The following SEMA5A variants were observed in gnomAD, a reference collection of about 807,000 sequenced individuals.
SEMA5A encodes semaphorin-5A.
Under a neutral mutation model 135.5 loss-of-function variants are expected in SEMA5A, and 55 were observed. The ratio of observed to expected loss-of-function variants is 0.41; its 90% CI spans 0.33 to 0.51. The LOEUF (loss-of-function observed/expected upper bound fraction) is 0.51, where lower values mean the gene tolerates loss of function less well. Ranked by LOEUF, SEMA5A falls within the 20% of genes least tolerant of loss-of-function variation. The probability of loss-of-function intolerance (pLI) is 0.37; values close to 1 mark genes in which losing one functional copy is unlikely to be tolerated. For missense variants in SEMA5A, 1,290 were observed against 1,419.9 expected (o/e 0.91, Z 1.47); for synonymous variants, 580 against 546.5 (o/e 1.06, Z -0.85).
chr5:9,123,258 C>CAAAAAAAAAAAAAAAAA (rs57533658), intron 13 of SEMA5A, among the ~76,000 whole-genome samples: 7 of 38,944 alleles, frequency 1.8e-4, no homozygotes, highest in African/African-American at 1.9e-4. Flanking sequence ...GACTCCGCCT[C>CAAAAAAAAAAAAAAAAA]AAAAAAAAAA....
chr5:9,271,999 G>A (rs775515312), intron 5 of SEMA5A, among the ~76,000 whole-genome samples: 13 of 152,090 alleles, frequency 8.5e-5, no homozygotes, highest in Admixed American at 5.9e-4. Flanking sequence ...GGCACCTGGA[G>A]CACCAGCGAG....
At position 9,062,930 on chromosome 5, in the gene SEMA5A, G is replaced by A. The variant is rs748107036; in HGVS notation, c.2475C>T (p.Gly825=). Residue 825 remains glycine, a synonymous_variant, in exon 18 of 23, where the codon GGC becomes GGT. Transcript: ENST00000382496. ...TGCATTCCTGGTATTCCAGAGATGG[G>A]CCAAGGCAAGGCATTCCCCCATACT... The part of the protein sequence containing the change: ...EPKYGGMPCL[G]PSLEYQECNI... 3 of 1,614,218 alleles carry A rather than the reference G, an allele frequency of 1.9e-6. No homozygotes were observed. The East Asian group carries it at 6.7e-5, about 36-fold the overall frequency.
intron 5 of SEMA5A, among the ~76,000 whole-genome samples, chr5:9,291,290 CA>C (rs1438481582): frequency 2.0e-5 from 3 of 152,168 alleles, no homozygotes; most frequent in African/African-American, 7.2e-5. Context: ...GCATGTCCCC[CA>C]CAGGCTCTCC....
intron 5 of SEMA5A, among the ~76,000 whole-genome samples, chr5:9,301,863 G>T (rs897597858): frequency 3.9e-5 from 6 of 152,048 alleles, no homozygotes; most frequent in Non-Finnish European, 7.4e-5. Context: ...AAATCAATAT[G>T]ACTTTATTCT....
chr5:9,036,549 T>C lies in SEMA5A; in HGVS notation c.*6348A>G, dbSNP rs778680417. 3.3e-5 allele frequency: 5 copies of C among 152,134 alleles called. No homozygotes were observed. Among genetic ancestry groups the C allele is most frequent in the Non-Finnish European group, 7.3e-5 (5 of 68,032 alleles). 9.4% of individuals were successfully genotyped at this position (152,134 alleles called of 1,614,324 possible). Reference sequence around the variant, plus strand: ...CATTCTTATTACAGAACAATCACTATGATTTTTTTTGGAACATGTAAAAAT... The same window carrying C: ...CATTCTTATTACAGAACAATCACTACGATTTTTTTTGGAACATGTAAAAAT... On this transcript the variant is annotated 3_prime_UTR_variant, in exon 23 of 23. Transcript: ENST00000382496.
chr5:9,170,902 T>C (rs991499796), intron 11 of SEMA5A, among the ~76,000 whole-genome samples: 1 of 152,142 alleles, frequency 6.6e-6, no homozygotes, highest in Admixed American at 6.5e-5. Flanking sequence ...GGTGGTGCCC[T>C]GTACAGAGTT....
At chr5:9,419,996 T>G (rs879690838) in intron 2 of SEMA5A, among the ~76,000 whole-genome samples, 2 of 152,198 alleles carry the variant, frequency 1.3e-5, no homozygotes, top group Non-Finnish European at 2.9e-5. Flanking sequence ...GGATGTGTAC[T>G]GTTGGGCCCC....
At chr5:9,239,977 C>T (rs1288011315) in intron 5 of SEMA5A, among the ~76,000 whole-genome samples, 1 of 152,052 alleles carries the variant, frequency 6.6e-6, no homozygotes, top group East Asian at 1.9e-4. Flanking sequence ...GGCAAACAAA[C>T]AGCTTCACAA....
chr5:9,203,012 T>A (rs1745805890), intron 8 of SEMA5A, among the ~76,000 whole-genome samples: 2 of 152,350 alleles, frequency 1.3e-5, no homozygotes, highest in Non-Finnish European at 2.9e-5. Context: ...AGCCTTTACT[T>A]AATCACCAAG....
intron 8 of SEMA5A, among the ~76,000 whole-genome samples, chr5:9,213,393 T>C (rs1288337119): frequency 6.6e-6 from 1 of 152,170 alleles, no homozygotes; most frequent in Admixed American, 6.5e-5. Context: ...GAAATAACAT[T>C]AATAGCTGAG....
chr5:9,499,929 T>G (rs268504), intron 1 of SEMA5A, among the ~76,000 whole-genome samples: 147,812 of 152,134 alleles, frequency 0.97, 72,041 homozygotes, highest in Non-Finnish European at 1. Flanking sequence ...TGAAGCTGGT[T>G]CTGCCCTGAA....
intron 8 of SEMA5A, among the ~76,000 whole-genome samples, chr5:9,213,169 T>C (rs949442351): frequency 1.3e-5 from 2 of 152,224 alleles, no homozygotes; most frequent in Non-Finnish European, 2.9e-5. Flanking sequence ...ATGCCTCACC[T>C]CGTAATACCA....
At chr5:9,424,721 A>G (rs1223975059) in intron 2 of SEMA5A, among the ~76,000 whole-genome samples, 1 of 152,068 alleles carries the variant, frequency 6.6e-6, no homozygotes, top group Non-Finnish European at 1.5e-5. Context: ...TGAGGTCCAA[A>G]ACTTCCAATT....
At chr5:9,284,626 C>T (rs982504695) in intron 5 of SEMA5A, among the ~76,000 whole-genome samples, 5 of 151,964 alleles carry the variant, frequency 3.3e-5, no homozygotes, top group African/African-American at 7.2e-5. Flanking sequence ...CCTTTATTTG[C>T]TAACTCAGTA....
intron 1 of SEMA5A, among the ~76,000 whole-genome samples, chr5:9,467,737 G>A (rs1287604528): frequency 1.3e-5 from 2 of 152,212 alleles, no homozygotes; most frequent in Non-Finnish European, 2.9e-5. Context: ...TGGGAGCCGG[G>A]GTGGGTGGAA....
chr5:9,290,865 A>T (rs1477041688), intron 5 of SEMA5A, among the ~76,000 whole-genome samples: 2 of 152,170 alleles, frequency 1.3e-5, no homozygotes, highest in Non-Finnish European at 2.9e-5. Context: ...ATACTCTCCC[A>T]TGTTAAATAA....
chr5:9,473,053 T>C (rs1759533733), intron 1 of SEMA5A, among the ~76,000 whole-genome samples: 1 of 149,362 alleles, frequency 6.7e-6, no homozygotes, highest in Admixed American at 6.7e-5. Flanking sequence ...AAGTTGTTCA[T>C]TCTTTTTTCT....
chr5:9,396,135 G>A (rs190747059), intron 2 of SEMA5A, among the ~76,000 whole-genome samples: 2 of 152,218 alleles, frequency 1.3e-5, no homozygotes, highest in South Asian at 4.2e-4. Context: ...TTTACAACTT[G>A]TAGGATCAGG....
At position 9,109,028 on chromosome 5, in the gene SEMA5A, A is replaced by ATTTTTTTTTTT. The variant is rs67762219; in HGVS notation, c.1926-752_1926-742dup. 8.9e-4 allele frequency among the ~76,000 whole-genome samples: 82 copies of ATTTTTTTTTTT among 92,430 alleles called. 5 individuals are homozygous for ATTTTTTTTTTT. The highest frequency in any genetic ancestry group is 1.2e-3 in the African/African-American group (27 of 21,756). 60.6% of individuals were successfully genotyped at this position (92,430 alleles called of 152,430 possible). Reference sequence around the variant, plus strand: ...TCATGAGTCATATTATTTCTCTTCAATTTTTTTTTTTTTTTTTTTTTTTTT... The same window carrying ATTTTTTTTTTT: ...TCATGAGTCATATTATTTCTCTTCAATTTTTTTTTTTTTTTTTTTTTTTTTTTTTTTTTTTT... On this transcript the variant is annotated intron_variant, in intron 15 of 22. Coordinates refer to ENST00000382496, the MANE Select transcript of SEMA5A (RefSeq NM_003966.3).
Sources: allele counts gnomAD v4.1 joint callset (sites outside exome capture counted in the v4.1 genomes callset), GRCh38; gene constraint gnomAD v4.1.1; transcripts MANE v1.5; gene names NCBI Gene and HGNC (gene_info 2026-07-23, HGNC 2026-07-21).